CADM2: variants seen among roughly 807,000 people sequenced by gnomAD.
The protein encoded by CADM2 is cell adhesion molecule 2.
Under a neutral mutation model 49.8 loss-of-function variants are expected in CADM2, and 12 were observed. The observed-to-expected ratio is 0.24, with a 90% CI of 0.15 to 0.39. The LOEUF (loss-of-function observed/expected upper bound fraction) is 0.39. Ranked by LOEUF, CADM2 falls within the 10% of genes least tolerant of loss-of-function variation. CADM2 has a pLI of 1.00. For missense variants in CADM2, 378 were observed against 492.3 expected (o/e 0.77, Z 2.20); for synonymous variants, 214 against 175.4 (o/e 1.22, Z -1.74).
At chr3:86,016,385 A>G (rs949379596) in intron 8 of CADM2, among the ~76,000 whole-genome samples, 3 of 152,206 alleles carry the variant, frequency 2.0e-5, no homozygotes, top group Non-Finnish European at 4.4e-5. Context: ...AGTTTTCTAG[A>G]TAAGAGAATA....
At chr3:85,549,108 C>A (rs1012946644) in intron 1 of CADM2, among the ~76,000 whole-genome samples, 4 of 152,102 alleles carry the variant, frequency 2.6e-5, no homozygotes, top group African/African-American at 9.7e-5. Flanking sequence ...TGGAAAGCTG[C>A]AGGAGGAGTC....
At chr3:85,428,502 G>A (rs2036518669) in intron 1 of CADM2, among the ~76,000 whole-genome samples, 1 of 142,882 alleles carries the variant, frequency 7.0e-6, no homozygotes, top group Admixed American at 7.1e-5. Flanking sequence ...TTCCCCTATG[G>A]GGATATGTAT....
intron 1 of CADM2, among the ~76,000 whole-genome samples, chr3:85,212,917 G>T (rs112023169): frequency 3.0e-5 from 4 of 131,860 alleles, no homozygotes; most frequent in African/African-American, 1.1e-4. Context: ...GTCTCACACT[G>T]TCACCCAGAC....
At chr3:85,722,551 G>A (rs987762437) in intron 1 of CADM2, among the ~76,000 whole-genome samples, 2 of 152,124 alleles carry the variant, frequency 1.3e-5, no homozygotes, top group South Asian at 4.1e-4. Flanking sequence ...TACCAGTAAT[G>A]TCCTTGCTAA....
chr3:85,561,161 A>G (rs546724505), intron 1 of CADM2, among the ~76,000 whole-genome samples: 1 of 152,214 alleles, frequency 6.6e-6, no homozygotes, highest in African/African-American at 2.4e-5. Context: ...TATGTTTTTT[A>G]TATTGTTCAT....
At chr3:85,827,124 C>A (rs868419953) in intron 3 of CADM2, among the ~76,000 whole-genome samples, 1 of 151,620 alleles carries the variant, frequency 6.6e-6, no homozygotes, top group Non-Finnish European at 1.5e-5. Flanking sequence ...TTTTCAATGA[C>A]CTTAAAGAGA....
chr3:85,028,966 A>C (rs1576068566), intron 1 of CADM2, among the ~76,000 whole-genome samples: 1 of 151,764 alleles, frequency 6.6e-6, no homozygotes, highest in East Asian at 1.9e-4. Context: ...ACAGTATGTG[A>C]ATAAATTGGA....
chr3:85,683,388 TA>T (rs1467397338), intron 1 of CADM2, among the ~76,000 whole-genome samples: 2 of 152,206 alleles, frequency 1.3e-5, no homozygotes, highest in Non-Finnish European at 2.9e-5. Context: ...CTTAACAGGT[TA>T]AAAGCAGAAT....
chr3:85,687,424 C>T (rs555129769), intron 1 of CADM2, among the ~76,000 whole-genome samples: 5 of 151,098 alleles, frequency 3.3e-5, no homozygotes, highest in Admixed American at 6.6e-5. Context: ...GAGAGAAAAA[C>T]GATGATGAAA....
chr3:85,490,045 C>T (rs1009508604), intron 1 of CADM2, among the ~76,000 whole-genome samples: 52 of 130,326 alleles, frequency 4.0e-4, no homozygotes, highest in African/African-American at 1.5e-3. Flanking sequence ...ATTAGAAATG[C>T]CTTCAATTAT....
chr3:84,974,235 A>G (rs12497145), intron 1 of CADM2, among the ~76,000 whole-genome samples: 12,208 of 150,512 alleles, frequency 0.081, 689 homozygotes, highest in Admixed American at 0.19. Context: ...AATTATATGT[A>G]TATATATATA....
chr3:85,830,741 C>T (rs2074145571), intron 3 of CADM2, among the ~76,000 whole-genome samples: 1 of 151,584 alleles, frequency 6.6e-6, no homozygotes, highest in South Asian at 2.1e-4. Context: ...CCAGTTTTCT[C>T]ATCACCATTT....
At chr3:85,290,934 T>C (rs1164113076) in intron 1 of CADM2, among the ~76,000 whole-genome samples, 6 of 152,234 alleles carry the variant, frequency 3.9e-5, no homozygotes, top group South Asian at 2.1e-4. Flanking sequence ...CAAAGCTGGA[T>C]GGAGAATGAC....
Position 85,018,411 on chromosome 3 carries a change from T to C in CADM2, c.61+58743T>C, listed in dbSNP as rs188099609. ...TATCTATTTTGAGACAAAGTCTCAC[T>C]CTGTTGCCCAGGCTGGAGTGCAGTG... On this transcript the variant is annotated intron_variant, in intron 1 of 9. Coordinates refer to ENST00000383699, the MANE Select transcript of CADM2 (RefSeq NM_001167675.2). Among the ~76,000 whole-genome samples, 505 of 152,298 alleles carry C rather than the reference T, an allele frequency of 3.3e-3. 5 individuals are homozygous for C. Among genetic ancestry groups the C allele is most frequent in the African/African-American group, 0.011 (474 of 41,566 alleles).
intron 3 of CADM2, among the ~76,000 whole-genome samples, chr3:85,803,971 A>G (rs574208457): frequency 1.3e-5 from 2 of 152,164 alleles, no homozygotes; most frequent in African/African-American, 4.8e-5. Flanking sequence ...CTCAAGTAGA[A>G]CTTTATTATT....
At chr3:85,044,485 A>C (rs1252870869) in intron 1 of CADM2, among the ~76,000 whole-genome samples, 1 of 152,178 alleles carries the variant, frequency 6.6e-6, no homozygotes, top group Non-Finnish European at 1.5e-5. Context: ...TTATGAAGGG[A>C]TACATTCCAG....
intron 2 of CADM2, among the ~76,000 whole-genome samples, chr3:85,759,196 TAAAAG>T (rs2069258486): frequency 6.6e-6 from 1 of 152,080 alleles, no homozygotes; most frequent in Admixed American, 6.6e-5. Context: ...TACCAGAGAA[TAAAAG>T]ACATTGCTTG....
At chr3:85,286,944 T>G (rs142265599) in intron 1 of CADM2, among the ~76,000 whole-genome samples, 16 of 152,242 alleles carry the variant, frequency 1.1e-4, no homozygotes, top group Non-Finnish European at 1.9e-4. Flanking sequence ...AAATTTACAC[T>G]GAGGAACAAA....
intron 1 of CADM2, among the ~76,000 whole-genome samples, chr3:85,639,643 A>G (rs1166382224): frequency 6.6e-6 from 1 of 152,154 alleles, no homozygotes; most frequent in Non-Finnish European, 1.5e-5. Flanking sequence ...TAAAAGGCAC[A>G]TATTTTATGT....
Sources: allele counts gnomAD v4.1 joint callset (sites outside exome capture counted in the v4.1 genomes callset), GRCh38; gene constraint gnomAD v4.1.1; transcripts MANE v1.5; gene names NCBI Gene and HGNC (gene_info 2026-07-23, HGNC 2026-07-21).